RALYL: variants seen among roughly 807,000 people sequenced by gnomAD.
RALYL encodes the protein RALY RNA binding protein like.
Under a neutral mutation model 35.1 loss-of-function variants are expected in RALYL, and 29 were observed. The ratio of observed to expected loss-of-function variants is 0.83; its 90% CI spans 0.61 to 1.13. The LOEUF (loss-of-function observed/expected upper bound fraction) is 1.13, where lower values mean the gene tolerates loss of function less well. RALYL is among the 50% of genes most tolerant of loss of function. RALYL has a pLI of 0.00. For missense variants in RALYL, 359 were observed against 360.4 expected, an observed-to-expected ratio of 1.00 and a Z score of 0.03; for synonymous variants, 120 against 127.6, an observed-to-expected ratio of 0.94 and a Z score of 0.40.
chr8:84,797,047 A>G (rs557791045), intron 3 of RALYL, among the ~76,000 whole-genome samples: 1 of 152,192 alleles, frequency 6.6e-6, no homozygotes, highest in African/African-American at 2.4e-5. Flanking sequence ...TGACTGGATG[A>G]TTTATAAAAA....
chr8:84,561,066 A>G (rs2061440440), intron 2 of RALYL, among the ~76,000 whole-genome samples: 1 of 152,056 alleles, frequency 6.6e-6, no homozygotes, highest in Admixed American at 6.6e-5. Context: ...ATTGAATACA[A>G]TATGCCAGGC....
In RALYL at chr8:84,405,047, A is replaced by C. The variant is rs182508459; in HGVS notation, c.-23-124252A>C. On this transcript the variant is annotated intron_variant, in intron 1 of 8. Transcript: ENST00000521268. Reference sequence around the variant, plus strand: ...CCACAGGGTAAGCAAATTAGAACTCAGGATTAAGAAACTCACTGAAAACCA... The same window carrying C: ...CCACAGGGTAAGCAAATTAGAACTCCGGATTAAGAAACTCACTGAAAACCA... Among the ~76,000 whole-genome samples, 9 of 152,328 alleles carry C rather than the reference A, an allele frequency of 5.9e-5. No homozygotes were observed. In the East Asian group the frequency reaches 7.7e-4, roughly 13 times the overall value.
Position 84,468,082 on chromosome 8 carries a change from C to G in RALYL, c.-23-61217C>G, listed in dbSNP as rs560904614. ...TCCTGAATACAGCACACTGATAGGT[C>G]TTGACTCTTTATCCAATTTGCCAGT... On this transcript the variant is annotated intron_variant, in intron 1 of 8. Coordinates refer to ENST00000521268, the MANE Select transcript of RALYL (RefSeq NM_173848.7). Among the ~76,000 whole-genome samples the G allele has an allele frequency of 7.9e-5, 12 of 151,200 alleles. No individual in the cohort carries two copies. The East Asian group carries it at 2.1e-3, about 27-fold the overall frequency.
chr8:84,453,146 G>A (rs1044496871), intron 1 of RALYL, among the ~76,000 whole-genome samples: 13 of 151,894 alleles, frequency 8.6e-5, no homozygotes, highest in African/African-American at 3.1e-4. Context: ...TTAAACACAT[G>A]TGTATATGTC....
intron 2 of RALYL, among the ~76,000 whole-genome samples, chr8:84,591,134 A>G (rs926326396): frequency 6.6e-6 from 1 of 152,172 alleles, no homozygotes; most frequent in Admixed American, 6.6e-5. Flanking sequence ...TATAAGAGAA[A>G]TATTTATTAT....
Position 84,529,315 on chromosome 8 carries a change from G to A in RALYL, c.-7G>A. 6.4e-7 allele frequency: 1 copy of A among 1,564,194 alleles called. No individual in the cohort carries two copies. The highest frequency in any genetic ancestry group is 8.7e-7 in the Non-Finnish European group (1 of 1,152,582). On this transcript the variant is annotated 5_prime_UTR_variant, in exon 2 of 9. Coordinates refer to ENST00000521268, the MANE Select transcript of RALYL (RefSeq NM_173848.7). Reference sequence around the variant, plus strand: ...TTGTTTAAGGATTAAAGCAAGGAGAGCCAATCATGACTGGCAAAACACAGA... The same window carrying A: ...TTGTTTAAGGATTAAAGCAAGGAGAACCAATCATGACTGGCAAAACACAGA...
At chr8:84,553,243 C>G (rs1464451212) in intron 2 of RALYL, among the ~76,000 whole-genome samples, 3 of 152,144 alleles carry the variant, frequency 2.0e-5, no homozygotes, top group Non-Finnish European at 4.4e-5. Flanking sequence ...CTCACTGTAA[C>G]CTCTAATACC....
chr8:84,419,621 G>C (rs1407097541), intron 1 of RALYL, among the ~76,000 whole-genome samples: 1 of 149,786 alleles, frequency 6.7e-6, no homozygotes, highest in Admixed American at 6.7e-5. Flanking sequence ...ATGTATACAT[G>C]TGCCATGCTG....
intron 1 of RALYL, among the ~76,000 whole-genome samples, chr8:84,433,058 G>A (rs573736823): frequency 2.5e-4 from 38 of 152,198 alleles, no homozygotes; most frequent in African/African-American, 7.7e-4. Context: ...GCTCAAAAGC[G>A]ATTGTTCCTA....
chr8:84,295,703 C>T (rs7815538), intron 1 of RALYL, among the ~76,000 whole-genome samples: 10,295 of 152,142 alleles, frequency 0.068, 454 homozygotes, highest in African/African-American at 0.092. Context: ...TTAGATAACA[C>T]TGTCCTGTAT....
intron 4 of RALYL, among the ~76,000 whole-genome samples, chr8:84,845,953 T>C (rs1480299180): frequency 2.6e-5 from 4 of 152,188 alleles, no homozygotes; most frequent in Non-Finnish European, 4.4e-5. Flanking sequence ...GCTGTAGGTG[T>C]ATGTCCTTAT....
intron 4 of RALYL, among the ~76,000 whole-genome samples, chr8:84,809,831 C>T (rs1283816313): frequency 1.3e-5 from 2 of 151,992 alleles, no homozygotes; most frequent in East Asian, 1.9e-4. Flanking sequence ...TATAATACCT[C>T]CTGTTTCGTT....
chr8:84,467,174 C>T (rs1211059598), intron 1 of RALYL, among the ~76,000 whole-genome samples: 3 of 151,962 alleles, frequency 2.0e-5, no homozygotes, highest in Admixed American at 2.0e-4. Flanking sequence ...TTATTTCTTG[C>T]CTTCTGCTAG....
At chr8:84,391,565 GT>G (rs1165648520) in intron 1 of RALYL, among the ~76,000 whole-genome samples, 1 of 151,926 alleles carries the variant, frequency 6.6e-6, no homozygotes, top group East Asian at 1.9e-4. Context: ...ATTATAAGTG[GT>G]TACTGTAGGG....
At chr8:84,541,882 G>T (rs188093149) in intron 2 of RALYL, among the ~76,000 whole-genome samples, 196 of 151,992 alleles carry the variant, frequency 1.3e-3, no homozygotes, top group African/African-American at 4.3e-3. Flanking sequence ...ACTTCCTCTT[G>T]ATTTGTGTTT....
chr8:84,667,997 T>C (rs1320766058), intron 2 of RALYL, among the ~76,000 whole-genome samples: 11 of 152,156 alleles, frequency 7.2e-5, no homozygotes, highest in Non-Finnish European at 1.6e-4. Context: ...CAACAGCCTT[T>C]TAAAATTCTT....
intron 1 of RALYL, among the ~76,000 whole-genome samples, chr8:84,214,826 TA>T (rs1820389461): frequency 6.6e-6 from 1 of 152,168 alleles, no homozygotes; most frequent in Admixed American, 6.5e-5. Context: ...TTGCGTTTAA[TA>T]AATATTTTGG....
chr8:84,615,151 T>C (rs776053684), intron 2 of RALYL, among the ~76,000 whole-genome samples: 2 of 151,914 alleles, frequency 1.3e-5, no homozygotes, highest in East Asian at 1.9e-4. Flanking sequence ...AAGATATTTG[T>C]AGTTTTTTAC....
intron 2 of RALYL, among the ~76,000 whole-genome samples, chr8:84,755,694 T>C (rs961644849): frequency 6.6e-6 from 1 of 151,934 alleles, no homozygotes; most frequent in Admixed American, 6.6e-5. Context: ...TATTTAATCA[T>C]ATATATATTA....
Sources: gnomAD v4.1 joint callset for allele counts (sites outside exome capture counted in the v4.1 genomes callset) on GRCh38, gnomAD v4.1.1 for gene constraint, MANE v1.5 for transcripts, NCBI Gene and HGNC (gene_info 2026-07-23, HGNC 2026-07-21) for gene names.